Variants in NEGR1 observed in about 807,000 individuals in gnomAD.
NEGR1 encodes IgLON family member 4.
In NEGR1, 10 loss-of-function variants were observed where a neutral mutation model predicts 40.9. The observed-to-expected ratio is 0.24, with a 90% CI of 0.15 to 0.42. The LOEUF (loss-of-function observed/expected upper bound fraction) is 0.42. Among genes scored for constraint, NEGR1 ranks in the 10% least tolerant of loss-of-function variants. The pLI is 1.00. For missense variants in NEGR1, 352 were observed against 438.9 expected (o/e 0.80, Z 1.77); for synonymous variants, 185 against 166.8 (o/e 1.11, Z -0.84).
chr1:71,418,231 G>A (rs536110093), intron 6 of NEGR1, among the ~76,000 whole-genome samples: 1 of 151,572 alleles, frequency 6.6e-6, no homozygotes, highest in East Asian at 1.9e-4. Context: ...GAAAAAATGT[G>A]GTAGAGAATG....
chr1:71,694,786 T>C (rs1653420998), intron 4 of NEGR1, among the ~76,000 whole-genome samples: 1 of 151,850 alleles, frequency 6.6e-6, no homozygotes, highest in Non-Finnish European at 1.5e-5. Flanking sequence ...AAATGTATTA[T>C]ATTTCATCTT....
At chr1:71,824,423 A>G (rs894447269) in intron 2 of NEGR1, among the ~76,000 whole-genome samples, 2 of 151,884 alleles carry the variant, frequency 1.3e-5, no homozygotes, top group African/African-American at 4.8e-5. Context: ...ATTCTTAAGA[A>G]AATTCTATAA....
At chr1:72,097,992 C>T (rs939824755) in intron 1 of NEGR1, among the ~76,000 whole-genome samples, 2 of 152,204 alleles carry the variant, frequency 1.3e-5, no homozygotes, top group African/African-American at 4.8e-5. Flanking sequence ...TGAAGCAAAT[C>T]TGGCTCCTGG....
intron 4 of NEGR1, among the ~76,000 whole-genome samples, chr1:71,689,318 A>T (rs1232153088): frequency 6.6e-6 from 1 of 152,172 alleles, no homozygotes; most frequent in Non-Finnish European, 1.5e-5. Context: ...TAAAACTTAA[A>T]TAACTATCAG....
At chr1:71,834,102 G>T (rs1306703299) in intron 2 of NEGR1, among the ~76,000 whole-genome samples, 1 of 152,042 alleles carries the variant, frequency 6.6e-6, no homozygotes, top group East Asian at 1.9e-4. Context: ...CAAATAAACT[G>T]CATTGTATTG....
intron 1 of NEGR1, among the ~76,000 whole-genome samples, chr1:72,017,506 T>TA (rs1646722132): frequency 1.3e-5 from 2 of 150,120 alleles, no homozygotes; most frequent in Admixed American, 1.4e-4. Context: ...GATAAAAAAA[T>TA]AAAAAATTGA....
intron 1 of NEGR1, among the ~76,000 whole-genome samples, chr1:72,024,719 G>T (rs1646791820): frequency 6.6e-6 from 1 of 152,120 alleles, no homozygotes; most frequent in Non-Finnish European, 1.5e-5. Flanking sequence ...CTTAATCAAG[G>T]TTATCACTGC....
At chr1:71,444,540 C>G (rs1646568255) in intron 6 of NEGR1, among the ~76,000 whole-genome samples, 1 of 152,008 alleles carries the variant, frequency 6.6e-6, no homozygotes, top group Admixed American at 6.6e-5. Context: ...ATTTAAAAAT[C>G]TAAAAATTGT....
chr1:72,188,714 C>T (rs1352814134), intron 1 of NEGR1, among the ~76,000 whole-genome samples: 1 of 151,470 alleles, frequency 6.6e-6, no homozygotes, highest in Non-Finnish European at 1.5e-5. Flanking sequence ...ATCTCCTTAT[C>T]TGCTTCACAG....
chr1:71,639,475 GT>G (rs1159581871), intron 4 of NEGR1, among the ~76,000 whole-genome samples: 1 of 152,022 alleles, frequency 6.6e-6, no homozygotes, highest in Non-Finnish European at 1.5e-5. Context: ...CAATCTCTGT[GT>G]TTCAGGCAGC....
At chr1:71,961,381 A>T (rs2100296551) in intron 1 of NEGR1, among the ~76,000 whole-genome samples, 1 of 152,254 alleles carries the variant, frequency 6.6e-6, no homozygotes. Flanking sequence ...GATGACACTA[A>T]TTTTGTTGAC....
rs1646531413 is a variant in NEGR1, at chr1:71,439,340, C to A, written c.941-31770G>T. ...CTCAAATGAAATTTCACCGTATGTC[C>A]TTTCCTTCAATAATGTTTTTGTTTG... On this transcript the variant is annotated intron_variant, in intron 6 of 6. Transcript: ENST00000357731. Among the ~76,000 whole-genome samples, 4 of 151,818 alleles carry A rather than the reference C, an allele frequency of 2.6e-5. No individual in the cohort carries two copies. In the South Asian group the frequency reaches 8.3e-4, roughly 32 times the overall value.
chr1:71,606,746 G>GTT (rs80329426), intron 5 of NEGR1, among the ~76,000 whole-genome samples: 13 of 139,294 alleles, frequency 9.3e-5, no homozygotes, highest in Non-Finnish European at 4.8e-5. Context: ...ACTGGAAAGT[G>GTT]TTTTTTTTTT....
chr1:71,761,291 C>A (rs190712543), intron 3 of NEGR1, among the ~76,000 whole-genome samples: 1 of 152,112 alleles, frequency 6.6e-6, no homozygotes, highest in East Asian at 1.9e-4. Flanking sequence ...CGGCCATAGA[C>A]AATATATAAA....
At chr1:72,246,848 A>G (rs1654919599) in intron 1 of NEGR1, among the ~76,000 whole-genome samples, 1 of 152,226 alleles carries the variant, frequency 6.6e-6, no homozygotes, top group Admixed American at 6.5e-5. Flanking sequence ...CTGGACAAAC[A>G]GGCTTTCTCA....
intron 6 of NEGR1, among the ~76,000 whole-genome samples, chr1:71,537,295 A>T (rs535527922): frequency 1.3e-5 from 2 of 151,842 alleles, no homozygotes; most frequent in East Asian, 2.0e-4. Flanking sequence ...CTATGCTAGG[A>T]TGTCTTAGCA....
chr1:71,551,274 C>G (rs998326949), intron 6 of NEGR1, among the ~76,000 whole-genome samples: 2 of 151,490 alleles, frequency 1.3e-5, no homozygotes, highest in African/African-American at 4.8e-5. Flanking sequence ...GGGGTACGTA[C>G]TTTCAATCAT....
intron 1 of NEGR1, among the ~76,000 whole-genome samples, chr1:71,952,943 G>T (rs1570547293): frequency 7.2e-6 from 1 of 139,246 alleles, no homozygotes; most frequent in African/African-American, 2.7e-5. Flanking sequence ...TCATAGTTAA[G>T]ACCTACTGCT....
intron 2 of NEGR1, among the ~76,000 whole-genome samples, chr1:71,780,557 A>G (rs1266832356): frequency 6.6e-6 from 1 of 152,246 alleles, no homozygotes; most frequent in Non-Finnish European, 1.5e-5. Context: ...TTTCTAAGCA[A>G]CAGAGGTTGA....
Sources: allele counts gnomAD v4.1 joint callset (sites outside exome capture counted in the v4.1 genomes callset), GRCh38; gene constraint gnomAD v4.1.1; transcripts MANE v1.5; gene names NCBI Gene and HGNC (gene_info 2026-07-23, HGNC 2026-07-21).